ACOXL: variants seen among roughly 807,000 people sequenced by gnomAD.
ACOXL encodes the protein acyl-coenzyme A oxidase-like protein.
A neutral mutation model predicts 71.9 loss-of-function variants in ACOXL; 70 were observed. That is an observed-to-expected ratio of 0.97 (90% CI 0.80 to 1.19). The LOEUF (loss-of-function observed/expected upper bound fraction) is 1.19, where lower values mean the gene tolerates loss of function less well. Among genes scored for constraint, ACOXL ranks in the 50% most tolerant of loss-of-function variants. The pLI, the probability that ACOXL is intolerant of heterozygous loss-of-function variation, is 0.00. For synonymous variants in ACOXL, 253 were observed against 281.6 expected, an observed-to-expected ratio of 0.90 and a Z score of 1.02; for missense variants, 703 against 736.3, an observed-to-expected ratio of 0.95 and a Z score of 0.52.
chr2:110,768,141 T>C (rs1048542167), intron 1 of ACOXL, among the ~76,000 whole-genome samples: 1 of 151,722 alleles, frequency 6.6e-6, no homozygotes, highest in Non-Finnish European at 1.5e-5. Context: ...CAAATAATAA[T>C]ATTAATAAGA....
intron 13 of ACOXL, among the ~76,000 whole-genome samples, chr2:110,987,598 G>A (rs1346543393): frequency 6.6e-6 from 1 of 152,188 alleles, no homozygotes; most frequent in African/African-American, 2.4e-5. Context: ...TTTGAACCCA[G>A]ACAGTCTGGC....
chr2:111,070,014 G>A (rs367872759), intron 16 of ACOXL, among the ~76,000 whole-genome samples: 2 of 152,008 alleles, frequency 1.3e-5, no homozygotes, highest in Admixed American at 6.6e-5. Flanking sequence ...AAGCATGTCC[G>A]TCGGCCTGCC....
At chr2:111,110,247 G>C (rs954991854) in intron 17 of ACOXL, among the ~76,000 whole-genome samples, 5 of 152,158 alleles carry the variant, frequency 3.3e-5, no homozygotes, top group African/African-American at 1.2e-4. Flanking sequence ...CCTAGAGTCA[G>C]GTTGAGCAGG....
intron 12 of ACOXL, among the ~76,000 whole-genome samples, chr2:110,975,540 A>G (rs180863251): frequency 3.3e-5 from 5 of 152,300 alleles, no homozygotes; most frequent in Admixed American, 2.6e-4. Flanking sequence ...TAAAATCATA[A>G]TAACCATCAT....
At chr2:110,774,871 G>A (rs1234723990) in intron 2 of ACOXL, among the ~76,000 whole-genome samples, 1 of 152,152 alleles carries the variant, frequency 6.6e-6, no homozygotes, top group Admixed American at 6.5e-5. Flanking sequence ...AAGCAATCTT[G>A]GAAAAGAAGA....
chr2:111,036,071 A>G (rs1174672065), intron 15 of ACOXL, among the ~76,000 whole-genome samples: 4 of 152,238 alleles, frequency 2.6e-5, no homozygotes, highest in Non-Finnish European at 5.9e-5. Flanking sequence ...ACTAAATCCA[A>G]GATCATGAAG....
intron 14 of ACOXL, among the ~76,000 whole-genome samples, chr2:111,029,692 G>T (rs2065177544): frequency 6.6e-6 from 1 of 152,188 alleles, no homozygotes; most frequent in South Asian, 2.1e-4. Context: ...CCTGGGGCGG[G>T]TCTGGAGGTG....
Position 110,938,839 on chromosome 2 carries a change from C to CT in ACOXL, c.1059+5209dup, listed in dbSNP as rs34333677. Among the ~76,000 whole-genome samples, 139 of 148,170 alleles carry CT rather than the reference C, an allele frequency of 9.4e-4. No individual in the cohort carries two copies. The Middle Eastern group carries it at 0.014, about 15-fold the overall frequency. The stretch of plus-strand genomic sequence containing the variant: ...CTTTATTATTTTTTTACCCTGAACA[C>CT]TTTTTTTTTTTTAAAAAAACATGAT... On this transcript the variant is annotated intron_variant, in intron 12 of 17. Transcript: ENST00000439055.
intron 16 of ACOXL, among the ~76,000 whole-genome samples, chr2:111,081,210 AG>A (rs2067898255): frequency 6.6e-6 from 1 of 152,236 alleles, no homozygotes; most frequent in Non-Finnish European, 1.5e-5. Flanking sequence ...ATATTCAAAT[AG>A]GAAGAGAGGA....
At chr2:110,979,094 G>A (rs1284473504) in intron 12 of ACOXL, among the ~76,000 whole-genome samples, 1 of 146,330 alleles carries the variant, frequency 6.8e-6, no homozygotes, top group Non-Finnish European at 1.5e-5. Context: ...AAACACTTGG[G>A]AACAACAGCC....
intron 1 of ACOXL, among the ~76,000 whole-genome samples, chr2:110,753,804 A>G (rs1679314954): frequency 6.6e-6 from 1 of 152,202 alleles, no homozygotes; most frequent in South Asian, 2.1e-4. Context: ...ATCTTTTTCC[A>G]AAGTGGTTGT....
intron 10 of ACOXL, among the ~76,000 whole-genome samples, chr2:110,872,189 A>G (rs960314665): frequency 6.6e-5 from 10 of 152,164 alleles, no homozygotes; most frequent in African/African-American, 2.2e-4. Flanking sequence ...CTGGGTGCCA[A>G]GAAGGAGTAC....
At chr2:110,768,346 AT>A in intron 1 of ACOXL, 21 bp from the exon 2 acceptor site, 1 of 1,602,804 alleles carries the variant, frequency 6.2e-7, no homozygotes, top group Middle Eastern at 1.7e-4. Flanking sequence ...TGGCTGTCTT[AT>A]TTTGTATCTG....
At chr2:110,891,751 A>G (rs1697951975) in intron 10 of ACOXL, among the ~76,000 whole-genome samples, 1 of 152,148 alleles carries the variant, frequency 6.6e-6, no homozygotes. Context: ...CAGCAAAAGC[A>G]GTGGAACTAG....
intron 16 of ACOXL, among the ~76,000 whole-genome samples, chr2:111,058,291 G>T (rs1299527899): frequency 6.6e-6 from 1 of 152,172 alleles, no homozygotes; most frequent in East Asian, 1.9e-4. Context: ...CTTGCCAAGA[G>T]CACGGAGAAA....
chr2:111,114,696 G>C (rs1199239302), intron 17 of ACOXL, among the ~76,000 whole-genome samples: 1 of 152,014 alleles, frequency 6.6e-6, no homozygotes, highest in Non-Finnish European at 1.5e-5. Context: ...TGCCATGCTG[G>C]GAAAATATGG....
chr2:110,861,520 T>G (rs186459425), intron 10 of ACOXL, among the ~76,000 whole-genome samples: 1 of 152,088 alleles, frequency 6.6e-6, no homozygotes, highest in Admixed American at 6.5e-5. Flanking sequence ...CCACTTCCCC[T>G]CACATAGGTT....
intron 16 of ACOXL, among the ~76,000 whole-genome samples, chr2:111,072,657 T>C (rs1338598901): frequency 6.6e-6 from 1 of 152,240 alleles, no homozygotes; most frequent in Admixed American, 6.5e-5. Flanking sequence ...AGATACTTTG[T>C]TGTGAGGGAA....
intron 12 of ACOXL, among the ~76,000 whole-genome samples, chr2:110,979,201 T>A (rs2062595629): frequency 6.6e-6 from 1 of 152,164 alleles, no homozygotes; most frequent in Admixed American, 6.5e-5. Flanking sequence ...TTTGTCTGCT[T>A]GTAATAAATA....
Sources: gnomAD v4.1 joint callset for allele counts (sites outside exome capture counted in the v4.1 genomes callset) on GRCh38, gnomAD v4.1.1 for gene constraint, MANE v1.5 for transcripts, NCBI Gene and HGNC (gene_info 2026-07-23, HGNC 2026-07-21) for gene names.